Variants in TNRC6C observed in about 807,000 individuals in gnomAD.
TNRC6C encodes trinucleotide repeat-containing gene 6C protein.
Under a neutral mutation model 153.7 loss-of-function variants are expected in TNRC6C, and 20 were observed. The observed-to-expected ratio is 0.13, with a 90% CI of 0.09 to 0.19. The LOEUF (loss-of-function observed/expected upper bound fraction) is 0.19, where lower values mean the gene tolerates loss of function less well. Ranked by LOEUF, TNRC6C falls within the 10% of genes least tolerant of loss-of-function variation. The pLI, the probability that TNRC6C is intolerant of heterozygous loss-of-function variation, is 1.00. For missense variants in TNRC6C, 1,987 were observed against 2,172.0 expected (o/e 0.91, Z 1.69); for synonymous variants, 811 against 841.4 (o/e 0.96, Z 0.63).
chr17:77,960,092 C>T (rs148769275), intron 1 of TNRC6C, among the ~76,000 whole-genome samples: 400 of 152,288 alleles, frequency 2.6e-3, no homozygotes, highest in Non-Finnish European at 4.3e-3. Flanking sequence ...TAGATCGTGG[C>T]TGCACCTATT....
At chr17:78,038,837 C>T (rs1051104488) in intron 2 of TNRC6C, among the ~76,000 whole-genome samples, 3 of 152,010 alleles carry the variant, frequency 2.0e-5, no homozygotes, top group Non-Finnish European at 2.9e-5. Flanking sequence ...GAGTGCTTAT[C>T]ATTTGCAAGA....
At chr17:78,016,172 C>G (rs1335547518) in intron 1 of TNRC6C, among the ~76,000 whole-genome samples, 2 of 152,196 alleles carry the variant, frequency 1.3e-5, no homozygotes, top group Non-Finnish European at 2.9e-5. Flanking sequence ...CTCTTGACTT[C>G]TAGAGCACAG....
intron 5 of TNRC6C, among the ~76,000 whole-genome samples, chr17:78,069,209 T>G (rs1567949835): frequency 6.7e-6 from 1 of 149,896 alleles, no homozygotes; most frequent in Non-Finnish European, 1.5e-5. Flanking sequence ...GAAACTGATT[T>G]AAAAAAAAAA....
chr17:78,021,715 G>T (rs1199971238), intron 1 of TNRC6C, among the ~76,000 whole-genome samples: 3 of 152,054 alleles, frequency 2.0e-5, no homozygotes, highest in African/African-American at 4.8e-5. Context: ...AATTACAGGG[G>T]TATGCCACCA....
chr17:78,053,891 C>G (rs982768309), intron 3 of TNRC6C, among the ~76,000 whole-genome samples: 17 of 152,056 alleles, frequency 1.1e-4, no homozygotes, highest in African/African-American at 4.1e-4. Context: ...AAAAAAGCTC[C>G]AGGAACAGAA....
At position 78,075,404 on chromosome 17, in the gene TNRC6C, A is replaced by G. The variant is rs2073067280; in HGVS notation, c.3060+126A>G. 8.8e-7 allele frequency: 1 copy of G among 1,135,220 alleles called. No individual in the cohort carries two copies. The highest frequency in any genetic ancestry group is 1.2e-6 in the Non-Finnish European group (1 of 823,298). 70.3% of individuals were successfully genotyped at this position (1,135,220 alleles called of 1,614,324 possible). ...TATAATACTTAAGTGACTTTTATCCATTTTTTTCTAACATTATGAACATTT... is the reference window on the plus strand; with the variant it reads ...TATAATACTTAAGTGACTTTTATCCGTTTTTTTCTAACATTATGAACATTT... On this transcript the variant is annotated intron_variant, in intron 8 of 19. Transcript: ENST00000301624. The surrounding 1 kb of genome is among the most constrained non-coding windows in gnomAD (Gnocchi z 4.2).
At chr17:78,028,046 C>T (rs2143662452) in intron 1 of TNRC6C, among the ~76,000 whole-genome samples, 1 of 152,198 alleles carries the variant, frequency 6.6e-6, no homozygotes, top group Non-Finnish European at 1.5e-5. Flanking sequence ...CAGGCGCCCG[C>T]CACCATGCCC....
In TNRC6C at chr17:78,077,177, C is replaced by T; in HGVS notation, c.3061-8C>T. 1 of 1,597,556 alleles carries T rather than the reference C, an allele frequency of 6.3e-7. No homozygotes were observed. The highest frequency in any genetic ancestry group is 1.1e-5 in the South Asian group (1 of 87,590). On this transcript the variant is annotated splice_polypyrimidine_tract_variant and splice_region_variant and intron_variant, in intron 8 of 19. Transcript: ENST00000301624. ...TGCACACAGCTCACCCTTTCTTTCT[C>T]CAATCAGGATGGCGGCCTCGTGGAA...
chr17:78,019,438 A>G (rs186803694), intron 1 of TNRC6C, among the ~76,000 whole-genome samples: 1 of 152,354 alleles, frequency 6.6e-6, no homozygotes, highest in Non-Finnish European at 1.5e-5. Context: ...GAATCTCTCT[A>G]TTTGGCCCTG....
intron 1 of TNRC6C, among the ~76,000 whole-genome samples, chr17:77,982,348 GTCAC>G (rs1393015204): frequency 1.3e-5 from 2 of 151,834 alleles, no homozygotes; most frequent in African/African-American, 4.8e-5. Context: ...AAAAAAAATA[GTCAC>G]TCAGAATGTT....
intron 15 of TNRC6C, 93 bp downstream of exon 17, chr17:78,093,217 G>T: frequency 7.5e-7 from 1 of 1,330,720 alleles, no homozygotes. Flanking sequence ...CCCAGAATCT[G>T]AGCTAAGGAT....
intron 4 of TNRC6C, chr17:78,066,499 A>T (rs921857501): frequency 6.6e-6 from 1 of 152,098 alleles, no homozygotes; most frequent in African/African-American, 2.4e-5. Flanking sequence ...CGCCATTTTG[A>T]GCATTCTATT....
chr17:77,982,723 C>G (rs1035266334), intron 1 of TNRC6C, among the ~76,000 whole-genome samples: 2 of 151,982 alleles, frequency 1.3e-5, no homozygotes, highest in Non-Finnish European at 2.9e-5. Flanking sequence ...CCCAGCTACT[C>G]GGGAGGCTAA....
At chr17:78,082,934 G>A in intron 10 of TNRC6C, 113 bp from the exon 13 acceptor site, 1 of 1,265,856 alleles carries the variant, frequency 7.9e-7, no homozygotes, top group Non-Finnish European at 1.1e-6. Context: ...GTAGTTTCAG[G>A]GGGTCTCCCT....
intron 2 of TNRC6C, among the ~76,000 whole-genome samples, chr17:78,046,945 G>A (rs1422285425): frequency 6.6e-6 from 1 of 152,060 alleles, no homozygotes; most frequent in Non-Finnish European, 1.5e-5. Context: ...TCATTTTACA[G>A]TGTGACTGTT....
chr17:78,039,308 T>TTC, intron 2 of TNRC6C, among the ~76,000 whole-genome samples: 1 of 47,456 alleles, frequency 2.1e-5, no homozygotes, highest in African/African-American at 6.9e-5. Context: ...TTTCAAATCT[T>TTC]GCCCCCCCCC....
In TNRC6C at chr17:77,967,223, A is replaced by G. The variant is rs1289514005; in HGVS notation, c.-38+7955A>G. 2.0e-5 allele frequency among the ~76,000 whole-genome samples: 3 copies of G among 152,310 alleles called. No homozygotes were observed. The East Asian group carries it at 5.8e-4, about 29-fold the overall frequency. ...TTTAAATTTCAGCACATTTCCTTGC[A>G]GATTAATGCTTTGCAAAAAAAACTT... On this transcript the variant is annotated intron_variant, in intron 1 of 22. Coordinates refer to the TNRC6C transcript ENST00000636222.
At chr17:78,053,364 T>C (rs1297546093) in intron 3 of TNRC6C, among the ~76,000 whole-genome samples, 36 of 152,138 alleles carry the variant, frequency 2.4e-4, no homozygotes, top group Admixed American at 2.4e-3. Context: ...GCGTGGTGGC[T>C]CATGCCTGTA....
At chr17:78,051,111 T>C (rs1423520950) in exon 3 of TNRC6C, 2 of 1,588,850 alleles carry the variant, frequency 1.3e-6, no homozygotes, top group Non-Finnish European at 1.7e-6. Context: ...GAGGAGCTGC[T>C]TCTGTGAAAC....
Sources: gnomAD v4.1 joint callset for allele counts (sites outside exome capture counted in the v4.1 genomes callset) on GRCh38, gnomAD v4.1.1 for gene constraint, Gnocchi (gnomAD v3.1) non-coding constraint, MANE v1.5 for transcripts, NCBI Gene and HGNC (gene_info 2026-07-23, HGNC 2026-07-21) for gene names.